DNAJC5: variants seen among roughly 807,000 people sequenced by gnomAD.
The protein encoded by DNAJC5 is DnaJ heat shock protein family (Hsp40) member C5, also known as dnaJ homolog subfamily C member 5.
In DNAJC5, 1 loss-of-function variant was observed where a neutral mutation model predicts 23.2. That is an observed-to-expected ratio of 0.04 (90% CI 0.02 to 0.20). The LOEUF is 0.20. DNAJC5 is among the 10% of genes least tolerant of loss of function. DNAJC5 has a pLI of 1.00. For synonymous variants in DNAJC5, 136 were observed against 120.0 expected, an observed-to-expected ratio of 1.13 and a Z score of -0.87; for missense variants, 180 against 267.0, an observed-to-expected ratio of 0.67 and a Z score of 2.27.
chr20:63,900,747 A>T (rs1380004792), intron 1 of DNAJC5, among the ~76,000 whole-genome samples: 1 of 152,170 alleles, frequency 6.6e-6, no homozygotes, highest in Non-Finnish European at 1.5e-5. Context: ...TTTATTCTTG[A>T]CATATTAAAC....
chr20:63,917,701 A>G (rs900401449), intron 1 of DNAJC5, among the ~76,000 whole-genome samples: 2 of 151,960 alleles, frequency 1.3e-5, no homozygotes, highest in Admixed American at 1.3e-4. Context: ...GACTACAGGC[A>G]TGCGCCATCA....
chr20:63,914,080 C>T (rs1408638714), intron 1 of DNAJC5, among the ~76,000 whole-genome samples: 3 of 152,098 alleles, frequency 2.0e-5, no homozygotes, highest in Non-Finnish European at 4.4e-5. Context: ...GAAGCCGGGA[C>T]GCTCACCGTT....
chr20:63,920,596 G>A lies in DNAJC5; in HGVS notation c.-11-7739G>A, dbSNP rs193043324. Among the ~76,000 whole-genome samples, 255 of 152,380 alleles carry A rather than the reference G, an allele frequency of 1.7e-3. No homozygotes were observed. Among genetic ancestry groups the A allele is most frequent in the Middle Eastern group, 6.8e-3 (2 of 294 alleles). On this transcript the variant is annotated intron_variant, in intron 1 of 4. Transcript: ENST00000360864. This position sits in a 1 kb window ranked among gnomAD's most constrained non-coding sequence, Gnocchi z 4.6. The stretch of plus-strand genomic sequence containing the variant: ...GCCTAGGCATGTGTGCGGGCCCTGG[G>A]GCTGCTGCCAGCAGAACGGACTGGG...
chr20:63,913,401 T>C (rs982926478), intron 1 of DNAJC5, among the ~76,000 whole-genome samples: 2 of 150,828 alleles, frequency 1.3e-5, no homozygotes, highest in African/African-American at 4.9e-5. Flanking sequence ...TTTCTTTCTT[T>C]TTTTTTTTTT....
At chr20:63,910,579 G>C (rs946713505) in intron 1 of DNAJC5, among the ~76,000 whole-genome samples, 1 of 152,040 alleles carries the variant, frequency 6.6e-6, no homozygotes, top group Non-Finnish European at 1.5e-5. Context: ...GACTGGGAGG[G>C]CGAGGCCCGA....
rs2053631466 is a variant in DNAJC5, at chr20:63,928,205, C to T, written c.-11-130C>T. 6 of 738,822 alleles carry T rather than the reference C, an allele frequency of 8.1e-6. No homozygotes were observed. Among genetic ancestry groups the T allele is most frequent in the Non-Finnish European group, 1.4e-5 (6 of 424,262 alleles). The allele number at this position is 738,822 out of a possible 1,614,324, so 45.8% of individuals were successfully genotyped here. ...CCATGCCATGGCGTCTGTCTGTGCA[C>T]GTGGCAAACTCCACAAGGCAGTGTT... On this transcript the variant is annotated intron_variant, in intron 1 of 4. Coordinates refer to ENST00000360864, the MANE Select transcript of DNAJC5 (RefSeq NM_025219.3). This position sits in a 1 kb window ranked among gnomAD's most constrained non-coding sequence, Gnocchi z 4.6.
chr20:63,917,625 G>A (rs1279700809), intron 1 of DNAJC5, among the ~76,000 whole-genome samples: 2 of 151,882 alleles, frequency 1.3e-5, no homozygotes, highest in African/African-American at 4.8e-5. Flanking sequence ...GCGCGATCTC[G>A]GCTCACTGCA....
Position 63,928,251 on chromosome 20 carries a change from G to A in DNAJC5, c.-11-84G>A. The A allele has an allele frequency of 4.4e-6, 5 of 1,131,696 alleles. No homozygotes were observed. Among genetic ancestry groups the A allele is most frequent in the Non-Finnish European group, 6.6e-6 (5 of 762,122 alleles). The allele number at this position is 1,131,696 out of a possible 1,614,324, so 70.1% of individuals were successfully genotyped here. The stretch of plus-strand genomic sequence containing the variant: ...GTGTTGGATTCTTTTGCTTTGAACG[G>A]TCTTATGGAATAAAGTCCATCAGCT... On this transcript the variant is annotated intron_variant, in intron 1 of 4. Coordinates refer to ENST00000360864, the MANE Select transcript of DNAJC5 (RefSeq NM_025219.3). The surrounding 1 kb of genome is among the most constrained non-coding windows in gnomAD (Gnocchi z 4.6).
chr20:63,929,345 C>A lies in DNAJC5; in HGVS notation c.141C>A (p.Asn47Lys), dbSNP rs1600885575. Residue 47 changes from asparagine (N) to lysine (K), a missense_variant, in exon 3 of 5, where the codon AAC (asparagine) becomes AAA (lysine). Asn to Lys is a moderately conservative substitution (Grantham distance 94). Around this residue, in one of 3 missense-constraint regions of DNAJC5, gnomAD observed 77 missense variants for 106.8 expected, o/e 0.72. Transcript: ENST00000360864. The surrounding 1 kb of genome is among the most constrained non-coding windows in gnomAD (Gnocchi z 8.6). Reference sequence around the variant, plus strand: ...CCTTGAAATATCACCCCGACAAGAACCCCGACAACCCGGAGGCCGCGGACA... The same window carrying A: ...CCTTGAAATATCACCCCGACAAGAAACCCGACAACCCGGAGGCCGCGGACA... The part of the protein sequence containing the change: ...KLALKYHPDK[N>K]PDNPEAADKF... 6.2e-7 allele frequency: 1 copy of A among 1,614,114 alleles called. No homozygotes were observed. The highest frequency in any genetic ancestry group is 8.5e-7 in the Non-Finnish European group (1 of 1,180,018).
At chr20:63,900,468 C>T (rs1340368296) in intron 1 of DNAJC5, among the ~76,000 whole-genome samples, 1 of 150,208 alleles carries the variant, frequency 6.7e-6, no homozygotes, top group Non-Finnish European at 1.5e-5. Flanking sequence ...GTCCCAGCTA[C>T]TCGGAGGCTG....
At chr20:63,930,653 C>A (rs1187452386) in intron 3 of DNAJC5, among the ~76,000 whole-genome samples, 198 bp from the exon 4 acceptor site, 1 of 152,222 alleles carries the variant, frequency 6.6e-6, no homozygotes, top group Non-Finnish European at 1.5e-5. Context: ...GTCTTGGAGG[C>A]TGCTTTTCTT....
At position 63,931,183 on chromosome 20, in the gene DNAJC5, G is replaced by A. The variant is rs1024883390; in HGVS notation, c.493+161G>A. 1.6e-5 allele frequency: 14 copies of A among 865,810 alleles called. No homozygotes were observed. The highest frequency in any genetic ancestry group is 2.4e-5 in the Non-Finnish European group (13 of 535,576). 53.6% of individuals were successfully genotyped at this position (865,810 alleles called of 1,614,324 possible). A position where few individuals can be genotyped will look rare whatever the true frequency, so the allele number is the denominator to read the frequency against. ...TTGAGGTGTGAACGTGGACCCTGAG[G>A]TAAAGCAGGCGCATAGAGCTGTCCC... On this transcript the variant is annotated intron_variant, in intron 4 of 4. Coordinates refer to ENST00000360864, the MANE Select transcript of DNAJC5 (RefSeq NM_025219.3). The surrounding 1 kb of genome is among the most constrained non-coding windows in gnomAD (Gnocchi z 9.6).
At position 63,928,493 on chromosome 20, in the gene DNAJC5, C is replaced by T; in HGVS notation, c.107+41C>T. The T allele has an allele frequency of 6.6e-7, 1 of 1,515,916 alleles. No homozygotes were observed. The highest frequency in any genetic ancestry group is 9.2e-7 in the Non-Finnish European group (1 of 1,090,976). The allele number at this position is 1,515,916 out of a possible 1,614,324, so 93.9% of individuals were successfully genotyped here. On this transcript the variant is annotated intron_variant, in intron 2 of 4. Transcript: ENST00000360864. This position sits in a 1 kb window ranked among gnomAD's most constrained non-coding sequence, Gnocchi z 4.6. ...TGGCCCCCACATCCCCCCAGGAAGA[C>T]ACACATGCCCCGTGTGGTTTAGTCT...
chr20:63,931,556 C>A lies in DNAJC5; in HGVS notation c.585C>A (p.Asp195Glu). 1 of 1,572,926 alleles carries A rather than the reference C, an allele frequency of 6.4e-7. No individual in the cohort carries two copies. Residue 195 changes from aspartate (D) to glutamate (E), a missense_variant, in exon 5 of 5, where the codon GAC (aspartate) becomes GAA (glutamate). Transcript: ENST00000360864. This position sits in a 1 kb window ranked among gnomAD's most constrained non-coding sequence, Gnocchi z 9.6. ...ACTCCCACCCCAGCTACCACACTGA[C>A]GGGTTCAACTAAATCCAGGAGGAGC... is the stretch of plus-strand genomic sequence containing the variant. ...TADSHPSYHTDGFN is the reference protein window; with the variant it reads ...TADSHPSYHTEGFN
At chr20:63,905,102 C>CT (rs537351736) in intron 1 of DNAJC5, among the ~76,000 whole-genome samples, 12,093 of 136,460 alleles carry the variant, frequency 0.089, 590 homozygotes, top group African/African-American at 0.12. Flanking sequence ...CCGTGCCTGG[C>CT]TTTTTTTTTT....
At chr20:63,895,391 G>A (rs1458634092) in intron 1 of DNAJC5, 68 bp downstream of exon 1, 1 of 147,040 alleles carries the variant, frequency 6.8e-6, no homozygotes, top group Non-Finnish European at 1.5e-5. Context: ...GCGGGCGGGC[G>A]CGGGTGGGGG....
intron 1 of DNAJC5, among the ~76,000 whole-genome samples, chr20:63,909,819 G>T (rs956098751): frequency 2.0e-5 from 3 of 152,200 alleles, no homozygotes; most frequent in Non-Finnish European, 4.4e-5. Flanking sequence ...GAGAGCCTGC[G>T]GGGGGCAGCA....
chr20:63,928,744 G>A lies in DNAJC5; in HGVS notation c.107+292G>A, dbSNP rs1460894888. Among the ~76,000 whole-genome samples, 1 of 152,192 alleles carries A rather than the reference G, an allele frequency of 6.6e-6. No homozygotes were observed. The highest frequency in any genetic ancestry group is 1.5e-5 in the Non-Finnish European group (1 of 68,040). On this transcript the variant is annotated intron_variant, in intron 2 of 4. Transcript: ENST00000360864. This position sits in a 1 kb window ranked among gnomAD's most constrained non-coding sequence, Gnocchi z 4.6. ...ACCTGTTTGAGGCCTCACAGGAGCC[G>A]CAGAGCGCTGGCATGGTCCTGTGGT...
At chr20:63,915,842 C>G (rs796372721) in intron 1 of DNAJC5, among the ~76,000 whole-genome samples, 3 of 152,298 alleles carry the variant, frequency 2.0e-5, no homozygotes, top group African/African-American at 7.2e-5. Flanking sequence ...TTTAAAATTT[C>G]CAGTGTCACA....
Sources: allele counts gnomAD v4.1 joint callset (sites outside exome capture counted in the v4.1 genomes callset), GRCh38; gene constraint gnomAD v4.1.1; regional missense constraint gnomAD v4.1.1; non-coding constraint Gnocchi (gnomAD v3.1); transcripts MANE v1.5; gene names NCBI Gene and HGNC (gene_info 2026-07-23, HGNC 2026-07-21).